DLGAP1: variants seen among roughly 807,000 people sequenced by gnomAD.
DLGAP1 encodes the protein disks large-associated protein 1.
In DLGAP1, 11 loss-of-function variants were observed where a neutral mutation model predicts 90.8. That is an observed-to-expected ratio of 0.12 (90% CI 0.08 to 0.20). DLGAP1 has a LOEUF of 0.20. Among genes scored for constraint, DLGAP1 ranks in the 10% least tolerant of loss-of-function variants. The pLI is 1.00. For missense variants in DLGAP1, 1,050 were observed against 1,333.8 expected (o/e 0.79, Z 3.31); for synonymous variants, 558 against 540.7 (o/e 1.03, Z -0.44).
intron 5 of DLGAP1, among the ~76,000 whole-genome samples, chr18:3,757,886 C>T (rs781520189): frequency 7.2e-5 from 11 of 151,960 alleles, no homozygotes; most frequent in Admixed American, 1.3e-4. Flanking sequence ...GAGGCCAAGG[C>T]GGGTGGATCA....
intron 5 of DLGAP1, among the ~76,000 whole-genome samples, chr18:3,795,271 A>G (rs181524257): frequency 1.3e-5 from 2 of 152,210 alleles, no homozygotes; most frequent in East Asian, 1.9e-4. Context: ...TAAGCTAAAC[A>G]CTTATTTAAA....
chr18:3,744,553 G>A (rs2063188808), intron 5 of DLGAP1, among the ~76,000 whole-genome samples: 1 of 152,034 alleles, frequency 6.6e-6, no homozygotes, highest in African/African-American at 2.4e-5. Context: ...AAATCTCCAT[G>A]TCAATTTTAC....
At chr18:4,048,923 C>T (rs1266509820) in intron 2 of DLGAP1, among the ~76,000 whole-genome samples, 1 of 152,144 alleles carries the variant, frequency 6.6e-6, no homozygotes, top group Non-Finnish European at 1.5e-5. Context: ...CCCTTATTCT[C>T]ACTTCAGAAT....
At chr18:4,172,761 G>GA (rs2144597648) in intron 1 of DLGAP1, among the ~76,000 whole-genome samples, 1 of 152,168 alleles carries the variant, frequency 6.6e-6, no homozygotes, top group African/African-American at 2.4e-5. Flanking sequence ...ATATTCTTGG[G>GA]AAAAAAGCAT....
rs1047856166 is a variant in DLGAP1, at chr18:3,615,127, G to A, written c.1592-32879C>T. 2.0e-5 allele frequency among the ~76,000 whole-genome samples: 3 copies of A among 152,056 alleles called. No homozygotes were observed. In the East Asian group the frequency reaches 5.9e-4, roughly 30 times the overall value. On this transcript the variant is annotated intron_variant, in intron 7 of 12. Coordinates refer to ENST00000315677, the MANE Select transcript of DLGAP1 (RefSeq NM_004746.4). ...AGTAGAGATGGGTTTTCACCATTTT[G>A]GTCAGGCTGGTCTCAAACTCCTGAC...
chr18:3,651,297 T>G (rs1318341939), intron 7 of DLGAP1, among the ~76,000 whole-genome samples: 1 of 152,058 alleles, frequency 6.6e-6, no homozygotes, highest in African/African-American at 2.4e-5. Context: ...AGGTGGAGGT[T>G]GCAGGGAGCC....
chr18:4,216,228 C>G (rs2077951908), intron 1 of DLGAP1, among the ~76,000 whole-genome samples: 1 of 151,984 alleles, frequency 6.6e-6, no homozygotes, highest in East Asian at 1.9e-4. Context: ...ACCATCAGAT[C>G]TTGTGAGATC....
chr18:3,951,458 T>A (rs897015651), intron 3 of DLGAP1, among the ~76,000 whole-genome samples: 4 of 152,228 alleles, frequency 2.6e-5, no homozygotes, highest in Non-Finnish European at 5.9e-5. Flanking sequence ...GTTCTTCATT[T>A]TTCCTTTTGT....
At chr18:4,379,923 A>G in intron 1 of DLGAP1, among the ~76,000 whole-genome samples, 1 of 152,206 alleles carries the variant, frequency 6.6e-6, no homozygotes, top group East Asian at 1.9e-4. Context: ...CAATTTTGAA[A>G]AATGAATAAA....
chr18:3,717,442 A>T (rs1157501616), intron 7 of DLGAP1, among the ~76,000 whole-genome samples: 1 of 152,206 alleles, frequency 6.6e-6, no homozygotes, highest in African/African-American at 2.4e-5. Flanking sequence ...AGCCTGAGAA[A>T]GAAAAGGAAG....
intron 1 of DLGAP1, among the ~76,000 whole-genome samples, chr18:4,324,969 C>G (rs1222549224): frequency 6.6e-6 from 1 of 152,090 alleles, no homozygotes; most frequent in African/African-American, 2.4e-5. Context: ...GCAAGGATCC[C>G]CTTTCTTACT....
intron 2 of DLGAP1, among the ~76,000 whole-genome samples, chr18:4,025,174 T>G (rs748114459): frequency 1.3e-5 from 2 of 151,850 alleles, no homozygotes; most frequent in African/African-American, 2.4e-5. Context: ...GGAGTGACCC[T>G]GTCCAAGGTC....
chr18:3,543,283 G>A (rs2052807211), intron 9 of DLGAP1, among the ~76,000 whole-genome samples: 1 of 148,944 alleles, frequency 6.7e-6, no homozygotes, highest in Admixed American at 6.9e-5. Context: ...CCATTCTCCT[G>A]CCTCAGCCTC....
chr18:4,234,021 G>A (rs913973706), intron 1 of DLGAP1, among the ~76,000 whole-genome samples: 8 of 151,324 alleles, frequency 5.3e-5, no homozygotes, highest in African/African-American at 1.9e-4. Context: ...GACTCAGTTT[G>A]AGCAAAATTC....
chr18:3,952,438 T>G (rs1051731245), intron 3 of DLGAP1, among the ~76,000 whole-genome samples: 1 of 152,142 alleles, frequency 6.6e-6, no homozygotes, highest in South Asian at 2.1e-4. Flanking sequence ...CCCTAGTGAT[T>G]TGCATTAACC....
intron 7 of DLGAP1, among the ~76,000 whole-genome samples, chr18:3,675,691 C>T (rs907205997): frequency 2.6e-5 from 4 of 152,214 alleles, no homozygotes; most frequent in African/African-American, 7.2e-5. Flanking sequence ...CCATCTGACC[C>T]ACTCCATAAT....
intron 1 of DLGAP1, among the ~76,000 whole-genome samples, chr18:4,207,448 G>C (rs1166865342): frequency 1.3e-5 from 2 of 152,156 alleles, no homozygotes; most frequent in South Asian, 4.1e-4. Flanking sequence ...GATGCGATTT[G>C]GGTGGGGACA....
intron 1 of DLGAP1, among the ~76,000 whole-genome samples, chr18:4,253,246 T>C (rs1191027173): frequency 6.6e-6 from 1 of 152,100 alleles, no homozygotes; most frequent in Non-Finnish European, 1.5e-5. Flanking sequence ...AACTAACCCC[T>C]TGCAGGATGC....
chr18:4,117,808 T>C (rs1049071166), intron 2 of DLGAP1, among the ~76,000 whole-genome samples: 2 of 152,178 alleles, frequency 1.3e-5, no homozygotes, highest in African/African-American at 4.8e-5. Context: ...TAAGCCTGCT[T>C]TCCTAGGAGT....
Sources: gnomAD v4.1 joint callset for allele counts (sites outside exome capture counted in the v4.1 genomes callset) on GRCh38, gnomAD v4.1.1 for gene constraint, MANE v1.5 for transcripts, NCBI Gene and HGNC (gene_info 2026-07-23, HGNC 2026-07-21) for gene names.